INPP4B: variants seen among roughly 807,000 people sequenced by gnomAD.
The protein encoded by INPP4B is inositol polyphosphate 4-phosphatase type II.
A neutral mutation model predicts 122.5 loss-of-function variants in INPP4B; 55 were observed. The ratio of observed to expected loss-of-function variants is 0.45; its 90% CI spans 0.36 to 0.56. INPP4B has a LOEUF of 0.56. Ranked by LOEUF, INPP4B falls within the 20% of genes least tolerant of loss-of-function variation. INPP4B has a pLI of 0.00. For missense variants in INPP4B, 1,000 were observed against 1,097.7 expected (o/e 0.91, Z 1.26); for synonymous variants, 403 against 388.7 (o/e 1.04, Z -0.43).
At chr4:142,620,554 C>T (rs540672252) in intron 2 of INPP4B, among the ~76,000 whole-genome samples, 9 of 151,974 alleles carry the variant, frequency 5.9e-5, no homozygotes, top group African/African-American at 2.2e-4. Context: ...CTATCAGGTA[C>T]TATGCTTATT....
chr4:142,132,896 T>C (rs373643681), intron 18 of INPP4B, among the ~76,000 whole-genome samples: 18 of 152,322 alleles, frequency 1.2e-4, no homozygotes, highest in African/African-American at 4.1e-4. Context: ...ATACAGGTTG[T>C]CTCTACTTCC....
At chr4:142,782,705 G>A (rs1481945348) in intron 1 of INPP4B, among the ~76,000 whole-genome samples, 1 of 152,090 alleles carries the variant, frequency 6.6e-6, no homozygotes, top group African/African-American at 2.4e-5. Context: ...TCTCATTGTG[G>A]TTTTGATTTG....
At chr4:142,087,622 T>C (rs1777485332) in intron 23 of INPP4B, among the ~76,000 whole-genome samples, 1 of 152,204 alleles carries the variant, frequency 6.6e-6, no homozygotes, top group Non-Finnish European at 1.5e-5. Context: ...TACAACTACG[T>C]TACCGAGTTT....
At chr4:142,195,789 T>G (rs2627831) in intron 14 of INPP4B, among the ~76,000 whole-genome samples, 133,172 of 152,188 alleles carry the variant, frequency 0.88, 59,088 homozygotes, top group East Asian at 0.96. Context: ...TTTAAATAAC[T>G]AACTTTTGCC....
At chr4:142,782,293 C>T (rs1180601314) in intron 1 of INPP4B, among the ~76,000 whole-genome samples, 7 of 150,878 alleles carry the variant, frequency 4.6e-5, no homozygotes, top group African/African-American at 1.7e-4. Flanking sequence ...TCATCCATGT[C>T]CCTACAAAGG....
rs190452681 is a variant in INPP4B, at chr4:142,128,333, G to A, written c.1721-3573C>T. On this transcript the variant is annotated intron_variant, in intron 18 of 25. Coordinates refer to ENST00000262992, the MANE Select transcript of INPP4B (RefSeq NM_001101669.3). ...GTGGATGTGTGTATTTCAGGATTTC[G>A]TACTTTTATACACACACACACACAC... Among the ~76,000 whole-genome samples the A allele has an allele frequency of 2.4e-3, 319 of 134,086 alleles. 1 individual carries two copies. The highest frequency in any genetic ancestry group is 7.8e-3 in the African/African-American group (296 of 37,990). The allele number at this position is 134,086 out of a possible 152,430, so 88.0% of individuals were successfully genotyped here.
At chr4:142,052,491 C>A (rs1347354318) in intron 25 of INPP4B, among the ~76,000 whole-genome samples, 1 of 152,032 alleles carries the variant, frequency 6.6e-6, no homozygotes, top group Non-Finnish European at 1.5e-5. Context: ...TTGTATATTA[C>A]ACTTTTGGAA....
At chr4:142,155,671 A>T (rs1816794067) in intron 17 of INPP4B, among the ~76,000 whole-genome samples, 1 of 152,106 alleles carries the variant, frequency 6.6e-6, no homozygotes, top group African/African-American at 2.4e-5. Context: ...TTGCAGCCTC[A>T]GGCATAAATG....
chr4:142,332,508 A>G (rs1221351382), intron 7 of INPP4B, among the ~76,000 whole-genome samples: 2 of 152,142 alleles, frequency 1.3e-5, no homozygotes, highest in Admixed American at 1.3e-4. Context: ...GGGGGAAAAA[A>G]AAGCATATAT....
At position 142,760,390 on chromosome 4, in the gene INPP4B, A is replaced by G. The variant is rs374705135; in HGVS notation, c.-253-34489T>C. ...AGAGATCTTGGTAGAAAAACATAGC[A>G]AAAGGATATAAATTATCGTAAAAGG... On this transcript the variant is annotated intron_variant, in intron 1 of 25. Transcript: ENST00000262992. Among the ~76,000 whole-genome samples the G allele has an allele frequency of 2.0e-4, 31 of 152,270 alleles. No homozygotes were observed. In the East Asian group the frequency reaches 3.7e-3, roughly 18 times the overall value.
chr4:142,357,301 T>C (rs1212908198), intron 7 of INPP4B, among the ~76,000 whole-genome samples: 1 of 151,978 alleles, frequency 6.6e-6, no homozygotes, highest in Non-Finnish European at 1.5e-5. Flanking sequence ...CTTGTGGTAC[T>C]GAGCCCTTAA....
intron 7 of INPP4B, among the ~76,000 whole-genome samples, chr4:142,359,591 G>A (rs1784736412): frequency 1.3e-5 from 2 of 151,834 alleles, no homozygotes; most frequent in Non-Finnish European, 2.9e-5. Flanking sequence ...AAACAAAGCA[G>A]TAAAATGCCA....
chr4:142,433,890 A>AT (rs1358060309), intron 3 of INPP4B, among the ~76,000 whole-genome samples: 1 of 152,046 alleles, frequency 6.6e-6, no homozygotes, highest in Non-Finnish European at 1.5e-5. Flanking sequence ...CAAATTTGAG[A>AT]TTTTTTTTAA....
At chr4:142,127,176 C>T (rs149650254) in intron 18 of INPP4B, among the ~76,000 whole-genome samples, 3 of 152,150 alleles carry the variant, frequency 2.0e-5, no homozygotes, top group East Asian at 1.9e-4. Flanking sequence ...AGTTCCCAAA[C>T]AGCATGTACT....
At chr4:142,599,361 A>G (rs1456539262) in intron 2 of INPP4B, among the ~76,000 whole-genome samples, 2 of 152,198 alleles carry the variant, frequency 1.3e-5, no homozygotes, top group African/African-American at 2.4e-5. Context: ...AAGATTCACC[A>G]TAGCCTTCAT....
intron 2 of INPP4B, among the ~76,000 whole-genome samples, chr4:142,638,412 A>T (rs1288664870): frequency 1.3e-5 from 2 of 152,022 alleles, no homozygotes; most frequent in East Asian, 1.9e-4. Context: ...TGCCTGTGTT[A>T]TTGTAGTACT....
At chr4:142,820,124 TG>T (rs1382551749) in intron 1 of INPP4B, among the ~76,000 whole-genome samples, 1 of 152,144 alleles carries the variant, frequency 6.6e-6, no homozygotes, top group Non-Finnish European at 1.5e-5. Context: ...TGAATTATTT[TG>T]GCTTAATTTA....
At chr4:142,447,858 G>T (rs890009716) in intron 3 of INPP4B, among the ~76,000 whole-genome samples, 1 of 152,164 alleles carries the variant, frequency 6.6e-6, no homozygotes, top group Non-Finnish European at 1.5e-5. Context: ...AGAGGAGGCA[G>T]CAAGGAGGTA....
intron 7 of INPP4B, among the ~76,000 whole-genome samples, chr4:142,371,238 T>C (rs938022271): frequency 6.6e-6 from 1 of 152,060 alleles, no homozygotes; most frequent in African/African-American, 2.4e-5. Context: ...AGAATGAAAC[T>C]AGACCCCAAT....
Sources: gnomAD v4.1 joint callset for allele counts (sites outside exome capture counted in the v4.1 genomes callset) on GRCh38, gnomAD v4.1.1 for gene constraint, MANE v1.5 for transcripts, NCBI Gene and HGNC (gene_info 2026-07-23, HGNC 2026-07-21) for gene names.